The following KHDRBS1 variants were observed in gnomAD, a reference collection of about 807,000 sequenced individuals.
The protein encoded by KHDRBS1 is KH RNA binding domain containing, signal transduction associated 1, also known as KH domain-containing, RNA-binding, signal transduction-associated protein 1.
Under a neutral mutation model 48.4 loss-of-function variants are expected in KHDRBS1, and 7 were observed. That is an observed-to-expected ratio of 0.14 (90% CI 0.08 to 0.27). The LOEUF is 0.27. Ranked by LOEUF, KHDRBS1 falls within the 10% of genes least tolerant of loss-of-function variation. The pLI is 1.00. For synonymous variants in KHDRBS1, 241 were observed against 235.8 expected (o/e 1.02, Z -0.20); for missense variants, 458 against 601.2 (o/e 0.76, Z 2.49).
intron 7 of KHDRBS1, 45 bp downstream of exon 7, chr1:32,038,664 TGGAG>T (rs749121557): frequency 1.0e-5 from 16 of 1,541,678 alleles, no homozygotes; most frequent in Admixed American, 1.7e-5. Context: ...TGAGGATGGA[TGGAG>T]GGAGTTGGAG....
At chr1:32,058,838 C>G (rs1639511583) in intron 10 of KHDRBS1, among the ~76,000 whole-genome samples, 1 of 151,962 alleles carries the variant, frequency 6.6e-6, no homozygotes, top group African/African-American at 2.4e-5. Context: ...AGTAATATTG[C>G]AAACATAGAG....
chr1:32,018,540 G>T (rs1406382061), intron 1 of KHDRBS1, among the ~76,000 whole-genome samples: 7 of 151,712 alleles, frequency 4.6e-5, no homozygotes, highest in Admixed American at 2.6e-4. Context: ...TGGATCACGA[G>T]GTCAGGAGAT....
chr1:32,050,936 G>C (rs1053479036), intron 10 of KHDRBS1, among the ~76,000 whole-genome samples: 2 of 152,046 alleles, frequency 1.3e-5, no homozygotes, highest in African/African-American at 2.4e-5. Flanking sequence ...TGTCACCCAG[G>C]CTGGAGTGCA....
chr1:32,025,535 A>G (rs1168530010), intron 1 of KHDRBS1, among the ~76,000 whole-genome samples: 2 of 150,990 alleles, frequency 1.3e-5, no homozygotes, highest in Non-Finnish European at 2.9e-5. Context: ...TCCTGACCTC[A>G]GGTGATCCAC....
intron 1 of KHDRBS1, among the ~76,000 whole-genome samples, chr1:32,016,945 T>C (rs188657904): frequency 6.6e-6 from 1 of 152,216 alleles, no homozygotes; most frequent in Non-Finnish European, 1.5e-5. Flanking sequence ...TTCACCTTCA[T>C]TGAAGATGGG....
intron 1 of KHDRBS1, among the ~76,000 whole-genome samples, chr1:32,017,015 T>C (rs1311437290): frequency 6.6e-6 from 1 of 152,156 alleles, no homozygotes; most frequent in Admixed American, 6.5e-5. Context: ...CCCAACACTT[T>C]GGGAGGCTGA....
chr1:32,040,109 G>A (rs543715998), intron 8 of KHDRBS1, among the ~76,000 whole-genome samples: 155 of 152,196 alleles, frequency 1.0e-3, no homozygotes, highest in South Asian at 1.0e-3. Flanking sequence ...ACCAGGTTGC[G>A]GGGCAAGAAT....
intron 4 of KHDRBS1, among the ~76,000 whole-genome samples, chr1:32,033,881 A>C (rs920067882): frequency 2.0e-5 from 3 of 152,220 alleles, no homozygotes; most frequent in African/African-American, 7.2e-5. Flanking sequence ...GATGTTTAAC[A>C]GATAGGTGAG....
chr1:32,047,719 C>G (rs151007250), downstream of KHDRBS1, among the ~76,000 whole-genome samples: 11 of 152,302 alleles, frequency 7.2e-5, no homozygotes, highest in East Asian at 2.1e-3. Context: ...ATTCACATAG[C>G]ATAAAATTTA....
Position 32,014,056 on chromosome 1 carries a change from A to G in KHDRBS1, c.61A>G (p.Met21Val). Residue 21 changes from methionine to valine, a missense_variant, in exon 1 of 9, where the codon ATG becomes GTG. Physicochemically the swap from Met to Val is conservative, Grantham distance 21. This residue lies in a region of KHDRBS1 where 213 missense variants were observed against 215.6 expected (regional missense o/e 0.99). Transcript: ENST00000327300. ...MSRSSGRSGS[M>V]DPSGAHPSVR... Reference sequence around the variant, plus strand: ...CCGGTCTTCGGGCCGTAGCGGCTCCATGGACCCCTCCGGTGCCCACCCCTC... The same window carrying G: ...CCGGTCTTCGGGCCGTAGCGGCTCCGTGGACCCCTCCGGTGCCCACCCCTC... 1 of 1,511,876 alleles carries G rather than the reference A, an allele frequency of 6.6e-7. No homozygotes were observed. The highest frequency in any genetic ancestry group is 1.2e-5 in the South Asian group (1 of 81,352). The allele number at this position is 1,511,876 out of a possible 1,614,324, so 93.7% of individuals were successfully genotyped here. A position where few individuals can be genotyped will look rare whatever the true frequency, so the allele number is the denominator to read the frequency against.
chr1:32,037,191 C>G, intron 5 of KHDRBS1, 148 bp downstream of exon 5: 5 of 883,770 alleles, frequency 5.7e-6, no homozygotes, highest in Non-Finnish European at 6.7e-6. Context: ...TACTCTCACA[C>G]CTGTAATCCC....
chr1:32,036,598 G>A (rs756326668), intron 4 of KHDRBS1, among the ~76,000 whole-genome samples: 6 of 152,190 alleles, frequency 3.9e-5, no homozygotes, highest in Non-Finnish European at 5.9e-5. Flanking sequence ...GAATGGATAT[G>A]TAAGAGTATG....
At chr1:32,018,583 G>A (rs1324827390) in intron 1 of KHDRBS1, among the ~76,000 whole-genome samples, 3 of 151,398 alleles carry the variant, frequency 2.0e-5, no homozygotes, top group Non-Finnish European at 4.4e-5. Flanking sequence ...GTGAAACCCC[G>A]TCTCTACTAA....
chr1:32,045,700 G>T (rs1453223231), downstream of KHDRBS1, among the ~76,000 whole-genome samples: 1 of 152,160 alleles, frequency 6.6e-6, no homozygotes, highest in Non-Finnish European at 1.5e-5. Context: ...AAATGAAAAA[G>T]ACTTTATTAG....
In KHDRBS1 at chr1:32,014,158, G is replaced by C. The variant is rs1638685362; in HGVS notation, c.163G>C (p.Ala55Pro). Reference sequence around the variant, plus strand: ...AGGCGGAGGGGGATCCCGCGGGGGCGCCCGGGCCTCGCCCGCCACGCAGCC... The same window carrying C: ...AGGCGGAGGGGGATCCCGCGGGGGCCCCCGGGCCTCGCCCGCCACGCAGCC... ...RGGGGGSRGGARASPATQPPP... is the reference protein window; with the variant it reads ...RGGGGGSRGGPRASPATQPPP... Residue 55 changes from alanine (A) to proline (P), a missense_variant, in exon 1 of 9, where the codon GCC becomes CCC. Ala to Pro is a conservative substitution (Grantham distance 27). Around this residue, in one of 3 missense-constraint regions of KHDRBS1, gnomAD observed 213 missense variants for 215.6 expected, o/e 0.99. Coordinates refer to ENST00000327300, the MANE Select transcript of KHDRBS1 (RefSeq NM_006559.3). 1 of 1,301,872 alleles carries C rather than the reference G, an allele frequency of 7.7e-7. No individual in the cohort carries two copies. Among genetic ancestry groups the C allele is most frequent in the Non-Finnish European group, 9.7e-7 (1 of 1,025,696 alleles). 80.6% of individuals were successfully genotyped at this position (1,301,872 alleles called of 1,614,324 possible). A position where few individuals can be genotyped will look rare whatever the true frequency, so the allele number is the denominator to read the frequency against.
Position 32,051,656 on chromosome 1 carries a change from T to C in KHDRBS1, n.1301+6266T>C, listed in dbSNP as rs184102307. Among the ~76,000 whole-genome samples the C allele has an allele frequency of 3.3e-5, 5 of 152,282 alleles. No individual in the cohort carries two copies. In the East Asian group the frequency reaches 7.7e-4, roughly 23 times the overall value. ...CTAGCCCTCTCTTCCCCCACCACAG[T>C]TTCCATAGAGTCTCCAGGGTGGACA... On this transcript the variant is annotated intron_variant and non_coding_transcript_variant, in intron 10 of 10. Coordinates refer to the KHDRBS1 transcript ENST00000484270.
chr1:32,032,946 C>G (rs868667388), intron 3 of KHDRBS1, among the ~76,000 whole-genome samples: 2 of 152,316 alleles, frequency 1.3e-5, no homozygotes, highest in South Asian at 4.1e-4. Flanking sequence ...CGTCAGTCTC[C>G]CAAAGTCCTG....
chr1:32,042,381 A>G (rs756397946), intron 8 of KHDRBS1, 146 bp from the exon 9 acceptor site: 47 of 604,274 alleles, frequency 7.8e-5, no homozygotes, highest in Non-Finnish European at 9.2e-5. Flanking sequence ...GGCCAAGCCA[A>G]GTAGAGAGCA....
chr1:32,040,173 C>T (rs1004648397), intron 8 of KHDRBS1, among the ~76,000 whole-genome samples: 3 of 151,956 alleles, frequency 2.0e-5, no homozygotes, highest in African/African-American at 4.8e-5. Flanking sequence ...CAACACTTTG[C>T]GAGGCCGAGG....
Sources: allele counts gnomAD v4.1 joint callset (sites outside exome capture counted in the v4.1 genomes callset), GRCh38; gene constraint gnomAD v4.1.1; regional missense constraint gnomAD v4.1.1; transcripts MANE v1.5; gene names NCBI Gene and HGNC (gene_info 2026-07-23, HGNC 2026-07-21).